VIPR2: variants seen among roughly 807,000 people sequenced by gnomAD.
VIPR2 encodes vasoactive intestinal polypeptide receptor 2.
Under a neutral mutation model 58.0 loss-of-function variants are expected in VIPR2, and 48 were observed. The observed-to-expected ratio is 0.83, with a 90% CI of 0.66 to 1.05. The LOEUF (loss-of-function observed/expected upper bound fraction) is 1.05. Ranked by LOEUF, VIPR2 falls within the 50% of genes least tolerant of loss-of-function variation. VIPR2 has a pLI of 0.00. For synonymous variants in VIPR2, 243 were observed against 235.2 expected (o/e 1.03, Z -0.30); for missense variants, 534 against 558.0 (o/e 0.96, Z 0.43).
Position 159,031,412 on chromosome 7 carries a change from G to C in VIPR2, c.1143+416C>G, listed in dbSNP as rs964953031. 1 of 983,280 alleles carries C rather than the reference G, an allele frequency of 1.0e-6. No individual in the cohort carries two copies. The highest frequency in any genetic ancestry group is 1.7e-5 in the African/African-American group (1 of 57,206). The allele number at this position is 983,280 out of a possible 1,614,324, so 60.9% of individuals were successfully genotyped here. On this transcript the variant is annotated intron_variant, in intron 12 of 12. Coordinates refer to ENST00000262178, the MANE Select transcript of VIPR2 (RefSeq NM_003382.5). The surrounding 1 kb of genome is among the most constrained non-coding windows in gnomAD (Gnocchi z 4.0). Reference sequence around the variant, plus strand: ...TGGGAATGAACGCAGGGCAGAGCTCGGCTCCGGGCTTCCTCCCCAGGGACT... The same window carrying C: ...TGGGAATGAACGCAGGGCAGAGCTCCGCTCCGGGCTTCCTCCCCAGGGACT...
intron 1 of VIPR2, chr7:159,144,481 G>A: frequency 6.5e-7 from 1 of 1,539,680 alleles, no homozygotes; most frequent in African/African-American, 1.4e-5. Flanking sequence ...ACGGTGGGGC[G>A]CGGGGAAGGG....
At position 159,096,167 on chromosome 7, in the gene VIPR2, C is replaced by T. The variant is rs115622247; in HGVS notation, c.357+7590G>A. Among the ~76,000 whole-genome samples, 1,283 of 152,288 alleles carry T rather than the reference C, an allele frequency of 8.4e-3. 16 individuals are homozygous for T. The highest frequency in any genetic ancestry group is 0.029 in the African/African-American group (1,200 of 41,574). ...TGGACCCTTCCCCAGAGCACAATGC[C>T]GGAGGTCCCACCCAAGGCTGCCCAA... is the stretch of plus-strand genomic sequence containing the variant. On this transcript the variant is annotated intron_variant, in intron 4 of 12. Coordinates refer to ENST00000262178, the MANE Select transcript of VIPR2 (RefSeq NM_003382.5). This position sits in a 1 kb window ranked among gnomAD's most constrained non-coding sequence, Gnocchi z 5.5.
chr7:159,133,727 G>C (rs940211977), intron 2 of VIPR2, among the ~76,000 whole-genome samples: 1 of 152,086 alleles, frequency 6.6e-6, no homozygotes, highest in Non-Finnish European at 1.5e-5. Context: ...TATTATTAGA[G>C]ATAACATATA....
At chr7:159,120,564 T>C (rs1280874169) in intron 2 of VIPR2, among the ~76,000 whole-genome samples, 1 of 152,208 alleles carries the variant, frequency 6.6e-6, no homozygotes, top group African/African-American at 2.4e-5. Context: ...TCCAAGCATT[T>C]TTCCAGGTGT....
intron 6 of VIPR2, among the ~76,000 whole-genome samples, chr7:159,038,822 CT>C (rs1292531955): frequency 1.3e-5 from 2 of 152,108 alleles, no homozygotes; most frequent in Admixed American, 6.5e-5. Context: ...ACTTTAAAAG[CT>C]TTTAGATGGT....
chr7:159,100,058 G>A (rs866713271), intron 4 of VIPR2, among the ~76,000 whole-genome samples: 3 of 152,154 alleles, frequency 2.0e-5, no homozygotes, highest in Non-Finnish European at 4.4e-5. Context: ...GATGCCATGG[G>A]GGACAGCGCA....
chr7:159,103,865 A>G lies in VIPR2; in HGVS notation c.260-11T>C. Reference sequence around the variant, plus strand: ...TTTTGCTTATGTTTCCTGGAAAGTGAAGTTCAGATATTTTATCTGCAAGTC... The same window carrying G: ...TTTTGCTTATGTTTCCTGGAAAGTGGAGTTCAGATATTTTATCTGCAAGTC... On this transcript the variant is annotated splice_polypyrimidine_tract_variant and intron_variant, in intron 3 of 12. Transcript: ENST00000262178. 3 of 1,610,178 alleles carry G rather than the reference A, an allele frequency of 1.9e-6. No individual in the cohort carries two copies. Among genetic ancestry groups the G allele is most frequent in the Non-Finnish European group, 2.5e-6 (3 of 1,176,486 alleles).
At chr7:159,110,966 A>G in intron 2 of VIPR2, among the ~76,000 whole-genome samples, 1 of 152,262 alleles carries the variant, frequency 6.6e-6, no homozygotes, top group East Asian at 1.9e-4. Context: ...ATACTTGAAT[A>G]AGTACATAAA....
intron 6 of VIPR2, among the ~76,000 whole-genome samples, chr7:159,042,369 G>T (rs1854404843): frequency 6.6e-6 from 1 of 152,170 alleles, no homozygotes; most frequent in African/African-American, 2.4e-5. Flanking sequence ...CGGCCTGCAT[G>T]TAGGAGGTGC....
intron 3 of VIPR2, among the ~76,000 whole-genome samples, chr7:159,104,800 G>A (rs562128895): frequency 3.5e-4 from 52 of 147,630 alleles, no homozygotes; most frequent in African/African-American, 1.2e-3. Flanking sequence ...TGGTGACCGG[G>A]TGCCCGGCCT....
rs555343329 is a variant in VIPR2, at chr7:159,061,974, C to G, written c.358-3396G>C. ...GAGTCCATGGCGGGAGGGCGGAAAG[C>G]CTGAAGCCTCTAGAGGAGCCCCGTC... is the stretch of plus-strand genomic sequence containing the variant. On this transcript the variant is annotated intron_variant, in intron 4 of 12. Transcript: ENST00000262178. Among the ~76,000 whole-genome samples the G allele has an allele frequency of 3.5e-3, 526 of 152,322 alleles. 3 individuals carry two copies. Among genetic ancestry groups the G allele is most frequent in the African/African-American group, 0.012 (498 of 41,576 alleles).
intron 2 of VIPR2, among the ~76,000 whole-genome samples, chr7:159,135,051 T>C (rs1797158923): frequency 7.1e-6 from 1 of 140,332 alleles, no homozygotes; most frequent in Non-Finnish European, 1.5e-5. Flanking sequence ...GTAATTGGCC[T>C]AGAAAACAAT....
intron 5 of VIPR2, among the ~76,000 whole-genome samples, 188 bp from the exon 6 acceptor site, chr7:159,043,364 GCT>G (rs1226511056): frequency 6.6e-6 from 1 of 151,030 alleles, no homozygotes; most frequent in Non-Finnish European, 1.5e-5. Context: ...AAATGAAAAA[GCT>G]CTGTTAAGAA....
At chr7:159,121,439 C>A (rs1796454022) in intron 2 of VIPR2, among the ~76,000 whole-genome samples, 1 of 152,146 alleles carries the variant, frequency 6.6e-6, no homozygotes, top group Non-Finnish European at 1.5e-5. Context: ...AAGAGGACCT[C>A]CCTGCTTAGG....
chr7:159,033,664 G>A (rs1422186215), intron 10 of VIPR2, among the ~76,000 whole-genome samples: 2 of 152,088 alleles, frequency 1.3e-5, no homozygotes, highest in East Asian at 1.9e-4. Flanking sequence ...GGCAGGAAAC[G>A]CTTTCTGAAT....
At chr7:159,079,106 A>G (rs1856785597) in intron 4 of VIPR2, among the ~76,000 whole-genome samples, 1 of 152,150 alleles carries the variant, frequency 6.6e-6, no homozygotes, top group Non-Finnish European at 1.5e-5. Context: ...TCAGAGAAAG[A>G]CCACAAGGGA....
chr7:159,104,787 C>T (rs541572346), intron 3 of VIPR2, among the ~76,000 whole-genome samples: 3 of 150,842 alleles, frequency 2.0e-5, no homozygotes, highest in South Asian at 2.1e-4. Context: ...CCCTTGCCAC[C>T]GATGGTGACC....
intron 5 of VIPR2, among the ~76,000 whole-genome samples, chr7:159,058,028 CAAGTT>C (rs906006623): frequency 3.3e-5 from 5 of 152,182 alleles, no homozygotes; most frequent in African/African-American, 1.2e-4. Flanking sequence ...GAAGCACAGA[CAAGTT>C]AAGTACTTTG....
intron 5 of VIPR2, among the ~76,000 whole-genome samples, chr7:159,050,905 A>C (rs1854967935): frequency 6.6e-6 from 1 of 152,260 alleles, no homozygotes; most frequent in African/African-American, 2.4e-5. Context: ...GCCTCAAAGG[A>C]ACAATGGTGC....
Sources: gnomAD v4.1 joint callset for allele counts (sites outside exome capture counted in the v4.1 genomes callset) on GRCh38, gnomAD v4.1.1 for gene constraint, Gnocchi (gnomAD v3.1) non-coding constraint, MANE v1.5 for transcripts, NCBI Gene and HGNC (gene_info 2026-07-23, HGNC 2026-07-21) for gene names.